The following SLC10A7 variants were observed in gnomAD, a reference collection of about 807,000 sequenced individuals.
The protein encoded by SLC10A7 is solute carrier family 10 member 7.
Under a neutral mutation model 43.2 loss-of-function variants are expected in SLC10A7, and 29 were observed. That is an observed-to-expected ratio of 0.67 (90% CI 0.50 to 0.92). SLC10A7 has a LOEUF of 0.92. Among genes scored for constraint, SLC10A7 ranks in the 40% least tolerant of loss-of-function variants. The pLI is 0.00. For synonymous variants in SLC10A7, 152 were observed against 144.8 expected (o/e 1.05, Z -0.35); for missense variants, 295 against 403.2 (o/e 0.73, Z 2.30).
intron 5 of SLC10A7, among the ~76,000 whole-genome samples, chr4:146,400,990 C>G (rs1560873145): frequency 1.3e-5 from 2 of 151,844 alleles, no homozygotes; most frequent in African/African-American, 4.8e-5. Context: ...AAAAATACTC[C>G]CAAAGTAACA....
At chr4:146,351,207 A>G (rs1306603220) in intron 5 of SLC10A7, among the ~76,000 whole-genome samples, 2 of 150,624 alleles carry the variant, frequency 1.3e-5, no homozygotes, top group South Asian at 4.2e-4. Context: ...GGAGCTGAAA[A>G]CCAAGGCTCG....
intron 9 of SLC10A7, among the ~76,000 whole-genome samples, chr4:146,292,435 T>A (rs986227127): frequency 6.6e-6 from 1 of 151,766 alleles, no homozygotes; most frequent in East Asian, 1.9e-4. Context: ...AAAAAAATGA[T>A]GTGAAGGATT....
At chr4:146,389,743 A>G (rs1396394126) in intron 5 of SLC10A7, among the ~76,000 whole-genome samples, 1 of 152,186 alleles carries the variant, frequency 6.6e-6, no homozygotes, top group East Asian at 1.9e-4. Context: ...TGTTAGATAG[A>G]TATGAATCTC....
At chr4:146,426,111 C>A (rs1461952832) in intron 5 of SLC10A7, among the ~76,000 whole-genome samples, 1 of 152,122 alleles carries the variant, frequency 6.6e-6, no homozygotes, top group South Asian at 2.1e-4. Context: ...CAAGGTAGAG[C>A]CACAAAATTA....
intron 11 of SLC10A7, among the ~76,000 whole-genome samples, chr4:146,257,420 A>G (rs1288681283): frequency 6.6e-6 from 1 of 152,168 alleles, no homozygotes; most frequent in Non-Finnish European, 1.5e-5. Context: ...ACCTTCTAAA[A>G]GTGATGTTAC....
chr4:146,256,244 T>C lies in SLC10A7; in HGVS notation c.*247A>G, dbSNP rs1190924078. On this transcript the variant is annotated 3_prime_UTR_variant, in exon 12 of 12. Coordinates refer to ENST00000335472, the MANE Select transcript of SLC10A7 (RefSeq NM_001029998.6). ...GCTTTTTGTCACTTACCATGACTGA[T>C]TCCTGCATTAGGAAAGCAAAATTAA... 7.6e-6 allele frequency: 4 copies of C among 528,306 alleles called. No homozygotes were observed. Among genetic ancestry groups the C allele is most frequent in the Non-Finnish European group, 1.4e-5 (4 of 295,162 alleles). The allele number at this position is 528,306 out of a possible 1,614,324, so 32.7% of individuals were successfully genotyped here. A position where few individuals can be genotyped will look rare whatever the true frequency, so the allele number is the denominator to read the frequency against.
chr4:146,351,535 T>C lies in SLC10A7; in HGVS notation c.436-25539A>G, dbSNP rs898851882. Among the ~76,000 whole-genome samples the C allele has an allele frequency of 5.4e-5, 8 of 149,524 alleles. No homozygotes were observed. In the South Asian group the frequency reaches 6.4e-4, roughly 12 times the overall value. On this transcript the variant is annotated intron_variant, in intron 5 of 11. Coordinates refer to ENST00000335472, the MANE Select transcript of SLC10A7 (RefSeq NM_001029998.6). The stretch of plus-strand genomic sequence containing the variant: ...GTTCAGATTCAGGAAATACAGAGAA[T>C]GCCACAAAGATACTCCTCGAGAAGA...
At chr4:146,308,657 A>C (rs1366905220) in intron 6 of SLC10A7, among the ~76,000 whole-genome samples, 2 of 152,166 alleles carry the variant, frequency 1.3e-5, no homozygotes, top group Admixed American at 6.5e-5. Flanking sequence ...AGGTTGTATC[A>C]AGCAAGTGCC....
intron 4 of SLC10A7, among the ~76,000 whole-genome samples, chr4:146,452,757 C>T (rs184003442): frequency 3.3e-5 from 5 of 151,950 alleles, no homozygotes. Flanking sequence ...ACACTACGCT[C>T]AATATTAAGA....
chr4:146,504,475 C>A (rs1215185012), intron 3 of SLC10A7, among the ~76,000 whole-genome samples: 3 of 140,638 alleles, frequency 2.1e-5, no homozygotes, highest in Non-Finnish European at 4.5e-5. Flanking sequence ...GCCGAGATAG[C>A]GCCACTGCAG....
chr4:146,430,150 CA>C (rs896053065), intron 5 of SLC10A7, among the ~76,000 whole-genome samples: 1 of 151,546 alleles, frequency 6.6e-6, no homozygotes, highest in African/African-American at 2.4e-5. Context: ...CTGGATTTAA[CA>C]AACAGGAGAG....
At chr4:146,394,253 CTCAT>C (rs1738653038) in intron 5 of SLC10A7, among the ~76,000 whole-genome samples, 1 of 152,108 alleles carries the variant, frequency 6.6e-6, no homozygotes, top group Admixed American at 6.5e-5. Flanking sequence ...AACATCCTAC[CTCAT>C]TAAATCTTTT....
Position 146,256,289 on chromosome 4 carries a change from C to T in SLC10A7, c.*202G>A. 1 of 589,864 alleles carries T rather than the reference C, an allele frequency of 1.7e-6. No individual in the cohort carries two copies. The highest frequency in any genetic ancestry group is 2.1e-5 in the South Asian group (1 of 48,606). 36.5% of individuals were successfully genotyped at this position (589,864 alleles called of 1,614,324 possible). On this transcript the variant is annotated 3_prime_UTR_variant, in exon 12 of 12. Coordinates refer to ENST00000335472, the MANE Select transcript of SLC10A7 (RefSeq NM_001029998.6). ...AATTAACCCCCAAATATTGTACCAC[C>T]CCTGGCAGTAATCAACAAAGCATAT...
At chr4:146,304,961 T>C (rs1731445730) in intron 7 of SLC10A7, among the ~76,000 whole-genome samples, 1 of 152,140 alleles carries the variant, frequency 6.6e-6, no homozygotes, top group Non-Finnish European at 1.5e-5. Flanking sequence ...ATATTTAGGA[T>C]AGTTAGCTCT....
intron 7 of SLC10A7, among the ~76,000 whole-genome samples, chr4:146,303,955 A>T (rs959210898): frequency 1.3e-5 from 2 of 151,850 alleles, no homozygotes; most frequent in African/African-American, 4.8e-5. Context: ...AAAAGGCAGA[A>T]ATAAGTCTAG....
intron 5 of SLC10A7, among the ~76,000 whole-genome samples, chr4:146,435,811 T>C (rs997067869): frequency 1.9e-4 from 29 of 152,150 alleles, no homozygotes; most frequent in Non-Finnish European, 5.9e-5. Flanking sequence ...AGGATCATCT[T>C]TCTTAGGAGG....
chr4:146,452,013 C>T (rs1409634559), intron 4 of SLC10A7, among the ~76,000 whole-genome samples: 1 of 152,054 alleles, frequency 6.6e-6, no homozygotes, highest in Non-Finnish European at 1.5e-5. Context: ...AAATAAGTCC[C>T]TCCTTGCTAA....
chr4:146,306,763 C>G (rs528641004), intron 6 of SLC10A7, among the ~76,000 whole-genome samples: 2 of 152,286 alleles, frequency 1.3e-5, no homozygotes, highest in African/African-American at 4.8e-5. Context: ...TCCTATGGAA[C>G]TTTTCAGTGT....
At chr4:146,521,084 A>G (rs1282284536) in intron 1 of SLC10A7, among the ~76,000 whole-genome samples, 1 of 152,150 alleles carries the variant, frequency 6.6e-6, no homozygotes, top group Non-Finnish European at 1.5e-5. Flanking sequence ...CAAAGAGTGC[A>G]ACGTGTCAGT....
Sources: allele counts gnomAD v4.1 joint callset (sites outside exome capture counted in the v4.1 genomes callset), GRCh38; gene constraint gnomAD v4.1.1; transcripts MANE v1.5; gene names NCBI Gene and HGNC (gene_info 2026-07-23, HGNC 2026-07-21).